Variants in GAB2 observed in about 807,000 individuals in gnomAD.
GAB2 encodes the protein GRB2 associated binding protein 2.
GAB2 carries 26 observed loss-of-function variants against 65.5 expected under a neutral mutation model. That is an observed-to-expected ratio of 0.40 (90% CI 0.29 to 0.55). The LOEUF (loss-of-function observed/expected upper bound fraction) is 0.55, where lower values mean the gene tolerates loss of function less well. Ranked by LOEUF, GAB2 falls within the 20% of genes least tolerant of loss-of-function variation. GAB2 has a pLI of 0.53. For missense variants in GAB2, 884 were observed against 875.8 expected (o/e 1.01, Z -0.12); for synonymous variants, 321 against 329.6 (o/e 0.97, Z 0.28).
intron 1 of GAB2, among the ~76,000 whole-genome samples, chr11:78,312,827 G>A (rs911587217): frequency 1.5e-4 from 23 of 152,288 alleles, no homozygotes; most frequent in African/African-American, 5.5e-4. Context: ...AAGGACTTAT[G>A]ACTCTGTCCT....
intron 2 of GAB2, among the ~76,000 whole-genome samples, chr11:78,260,463 T>A (rs954676371): frequency 6.6e-6 from 1 of 151,116 alleles, no homozygotes; most frequent in Non-Finnish European, 1.5e-5. Context: ...GAATTAATCA[T>A]GCCTTCTAAA....
At chr11:78,346,682 TA>T (rs1856186241) in intron 1 of GAB2, among the ~76,000 whole-genome samples, 1 of 17,606 alleles carries the variant, frequency 5.7e-5, no homozygotes, top group Admixed American at 7.3e-4. Context: ...TCCATATATA[TA>T]TATATATATA....
intron 1 of GAB2, among the ~76,000 whole-genome samples, chr11:78,302,485 C>A (rs1867053910): frequency 6.6e-6 from 1 of 151,942 alleles, no homozygotes; most frequent in African/African-American, 2.4e-5. Context: ...CAAAGCGATA[C>A]CACCTTACTC....
chr11:78,219,977 G>A (rs189719547), intron 9 of GAB2, among the ~76,000 whole-genome samples: 1 of 152,286 alleles, frequency 6.6e-6, no homozygotes, highest in African/African-American at 2.4e-5. Context: ...CGAGAGCCCA[G>A]GACCAGGAGG....
At chr11:78,243,468 A>C (rs1213213635) in intron 3 of GAB2, among the ~76,000 whole-genome samples, 1 of 152,072 alleles carries the variant, frequency 6.6e-6, no homozygotes, top group Non-Finnish European at 1.5e-5. Flanking sequence ...ACTCCGTCTC[A>C]AAATAGATAA....
At chr11:78,352,722 A>G (rs1368215115) in intron 1 of GAB2, among the ~76,000 whole-genome samples, 1 of 151,950 alleles carries the variant, frequency 6.6e-6, no homozygotes, top group East Asian at 1.9e-4. Context: ...ATTGCTAGCC[A>G]AAAAAAACAT....
intron 5 of GAB2, among the ~76,000 whole-genome samples, chr11:78,223,930 G>T: frequency 6.6e-6 from 1 of 151,990 alleles, no homozygotes; most frequent in East Asian, 1.9e-4. Flanking sequence ...AAAATCCAAA[G>T]TATTAGCTGG....
chr11:78,363,786 A>G (rs1856464197), intron 1 of GAB2, among the ~76,000 whole-genome samples: 1 of 151,992 alleles, frequency 6.6e-6, no homozygotes, highest in African/African-American at 2.4e-5. Context: ...GGGTTTTGCC[A>G]CGTTGCCTAG....
chr11:78,357,689 A>G (rs1482709828), intron 1 of GAB2, among the ~76,000 whole-genome samples: 1 of 152,246 alleles, frequency 6.6e-6, no homozygotes, highest in Non-Finnish European at 1.5e-5. Flanking sequence ...CAACAGACAC[A>G]TGAAAAAATG....
intron 1 of GAB2, among the ~76,000 whole-genome samples, chr11:78,401,436 C>T (rs1856970889): frequency 6.6e-6 from 1 of 151,584 alleles, no homozygotes; most frequent in Non-Finnish European, 1.5e-5. Flanking sequence ...ATAATGTCAT[C>T]AAGGTTCATC....
chr11:78,287,575 G>A (rs1436461817), intron 1 of GAB2, among the ~76,000 whole-genome samples: 1 of 151,998 alleles, frequency 6.6e-6, no homozygotes, highest in African/African-American at 2.4e-5. Flanking sequence ...AGCAAACCTG[G>A]CCTATACTTA....
In GAB2 at chr11:78,227,089, C is replaced by A. The variant is rs1486931502; in HGVS notation, c.621-38G>T. 1.5e-6 allele frequency: 2 copies of A among 1,359,398 alleles called. 1 individual carries two copies. The highest frequency in any genetic ancestry group is 2.1e-6 in the Non-Finnish European group (2 of 961,646). 84.2% of individuals were successfully genotyped at this position (1,359,398 alleles called of 1,614,324 possible). On this transcript the variant is annotated intron_variant, in intron 3 of 9. Transcript: ENST00000361507. ...GAAGGGAAAGGGCAGGAGGGTGAGA[C>A]AATTACTAGCTGTGTGACCTTGAGG...
chr11:78,376,874 C>T (rs945441798), intron 1 of GAB2, among the ~76,000 whole-genome samples: 13 of 152,262 alleles, frequency 8.5e-5, no homozygotes, highest in Middle Eastern at 3.4e-3. Context: ...ATCCTTAGTA[C>T]GGGAGGTGGG....
In GAB2 at chr11:78,220,363, G is replaced by C. The variant is rs1262968571; in HGVS notation, c.1843C>G (p.Leu615Val). The change falls in exon 9 of 10, where the codon CTG becomes GTG. Residue 615 changes from leucine to valine, a missense_variant. Coordinates refer to ENST00000361507, the MANE Select transcript of GAB2 (RefSeq NM_080491.3). Reference sequence around the variant, plus strand: ...GAGCTCGGCTGGAAGTCCAGGGCCAGATAATCAACGCTGCCGGTGCTCTTC... The same window carrying C: ...GAGCTCGGCTGGAAGTCCAGGGCCACATAATCAACGCTGCCGGTGCTCTTC... Reference protein sequence around the residue: ...PKKSTGSVDYLALDFQPSSPS... With the variant: ...PKKSTGSVDYVALDFQPSSPS... 10 of 1,613,206 alleles carry C rather than the reference G, an allele frequency of 6.2e-6. No homozygotes were observed. The highest frequency in any genetic ancestry group is 8.5e-6 in the Non-Finnish European group (10 of 1,179,562).
At chr11:78,243,430 T>A (rs958465571) in intron 3 of GAB2, among the ~76,000 whole-genome samples, 11 of 151,860 alleles carry the variant, frequency 7.2e-5, no homozygotes, top group Non-Finnish European at 1.3e-4. Flanking sequence ...ATCGCGCAGC[T>A]GCACACCAGC....
chr11:78,269,952 A>G (rs1051624469), intron 2 of GAB2, among the ~76,000 whole-genome samples: 1 of 152,202 alleles, frequency 6.6e-6, no homozygotes, highest in Non-Finnish European at 1.5e-5. Context: ...GAGTTACAAA[A>G]TGGGGCTCTG....
intron 1 of GAB2, among the ~76,000 whole-genome samples, chr11:78,310,385 C>T (rs1176069540): frequency 6.7e-6 from 1 of 149,740 alleles, no homozygotes; most frequent in Non-Finnish European, 1.5e-5. Context: ...CGGTGGTGGG[C>T]GCCTGTAGTC....
intron 2 of GAB2, among the ~76,000 whole-genome samples, chr11:78,260,495 G>A (rs1865699909): frequency 6.7e-6 from 1 of 150,250 alleles, no homozygotes. Context: ...TTTTTGAATG[G>A]AGTCTTGCTC....
chr11:78,403,648 T>C (rs1361089088), intron 1 of GAB2, among the ~76,000 whole-genome samples: 1 of 152,172 alleles, frequency 6.6e-6, no homozygotes, highest in Non-Finnish European at 1.5e-5. Context: ...TAGAAAATAT[T>C]GAGGAAATGC....
Sources: allele counts gnomAD v4.1 joint callset (sites outside exome capture counted in the v4.1 genomes callset), GRCh38; gene constraint gnomAD v4.1.1; transcripts MANE v1.5; gene names NCBI Gene and HGNC (gene_info 2026-07-23, HGNC 2026-07-21).